RARB: variants seen among roughly 807,000 people sequenced by gnomAD.
The protein encoded by RARB is retinoic acid receptor beta, also known as HBV-activated protein.
RARB carries 17 observed loss-of-function variants against 51.9 expected under a neutral mutation model. The observed-to-expected ratio is 0.33, with a 90% CI of 0.22 to 0.49. The LOEUF is 0.49. RARB is among the 20% of genes least tolerant of loss of function. The pLI is 0.99. For missense variants in RARB, 369 were observed against 550.8 expected, an observed-to-expected ratio of 0.67 and a Z score of 3.30; for synonymous variants, 215 against 195.4, an observed-to-expected ratio of 1.10 and a Z score of -0.84.
chr3:24,927,863 G>A (rs552578760), intron 2 of RARB, among the ~76,000 whole-genome samples: 2 of 152,116 alleles, frequency 1.3e-5, no homozygotes, highest in South Asian at 4.1e-4. Context: ...TGCCAGCTTG[G>A]CAGAGAATAA....
chr3:24,866,260 G>A (rs1457659529), intron 2 of RARB, among the ~76,000 whole-genome samples: 2 of 151,856 alleles, frequency 1.3e-5, no homozygotes, highest in Admixed American at 1.3e-4. Context: ...ATCCCCCCAC[G>A]CTTTTGCACA....
intron 5 of RARB, among the ~76,000 whole-genome samples, chr3:25,322,389 A>T (rs1704597399): frequency 6.6e-6 from 1 of 152,236 alleles, no homozygotes; most frequent in Admixed American, 6.5e-5. Context: ...TAGGAGTGAC[A>T]TGAAATGCAA....
chr3:24,834,795 A>G (rs1005511328), intron 1 of RARB, among the ~76,000 whole-genome samples: 1 of 152,234 alleles, frequency 6.6e-6, no homozygotes. Flanking sequence ...GTTCAATTGT[A>G]AGCCCACTTT....
intron 2 of RARB, among the ~76,000 whole-genome samples, chr3:24,913,011 C>CTT (rs1695026991): frequency 7.1e-5 from 5 of 70,624 alleles, no homozygotes; most frequent in African/African-American, 2.0e-4. Flanking sequence ...GACAGAGTCT[C>CTT]GCTCTGTCGC....
chr3:25,279,915 A>G lies in RARB; in HGVS notation c.178+105340A>G, dbSNP rs552093697. Among the ~76,000 whole-genome samples the G allele has an allele frequency of 3.3e-5, 5 of 152,326 alleles. No individual in the cohort carries two copies. The East Asian group carries it at 9.6e-4, about 29-fold the overall frequency. ...TCTAAAGGGAGAGGTCAAGTGCCTC[A>G]GGAGGCAAGACAGGAAGAGAGGATT... On this transcript the variant is annotated intron_variant, in intron 5 of 11. Coordinates refer to the RARB transcript ENST00000383772.
At chr3:25,116,914 T>A (rs1182387629) in intron 3 of RARB, among the ~76,000 whole-genome samples, 1 of 152,162 alleles carries the variant, frequency 6.6e-6, no homozygotes, top group Non-Finnish European at 1.5e-5. Context: ...TGATTTTAAA[T>A]TGAAATTATT....
chr3:25,507,147 G>T (rs1053443381), intron 3 of RARB, among the ~76,000 whole-genome samples: 6 of 152,218 alleles, frequency 3.9e-5, no homozygotes, highest in African/African-American at 1.4e-4. Context: ...TCACACACCA[G>T]TGAGTCTCCC....
intron 5 of RARB, among the ~76,000 whole-genome samples, chr3:25,373,478 A>C (rs1338895285): frequency 6.6e-6 from 1 of 152,184 alleles, no homozygotes; most frequent in Non-Finnish European, 1.5e-5. Flanking sequence ...TTGAGCTAGA[A>C]AGACAAGGAA....
intron 3 of RARB, among the ~76,000 whole-genome samples, chr3:25,078,861 T>C (rs1361833001): frequency 6.6e-6 from 1 of 152,174 alleles, no homozygotes. Flanking sequence ...ATTATTATTT[T>C]GGTTATTCTG....
chr3:25,215,192 C>G (rs1007355121), intron 5 of RARB, among the ~76,000 whole-genome samples: 7 of 152,168 alleles, frequency 4.6e-5, no homozygotes, highest in Admixed American at 1.3e-4. Context: ...GCCTGGGCAG[C>G]AGTTTATCTG....
At chr3:25,322,369 A>C (rs985689625) in intron 5 of RARB, among the ~76,000 whole-genome samples, 2 of 152,218 alleles carry the variant, frequency 1.3e-5, no homozygotes, top group African/African-American at 2.4e-5. Flanking sequence ...TTAGGGAGAG[A>C]GGACCTTTTT....
At chr3:24,873,328 G>A (rs555480131) in intron 2 of RARB, among the ~76,000 whole-genome samples, 3 of 151,788 alleles carry the variant, frequency 2.0e-5, no homozygotes, top group Admixed American at 6.6e-5. Flanking sequence ...ATTTAACTTC[G>A]TTAATGGTTA....
intron 5 of RARB, among the ~76,000 whole-genome samples, chr3:25,255,615 C>T (rs1331706825): frequency 6.6e-6 from 1 of 151,698 alleles, no homozygotes; most frequent in Non-Finnish European, 1.5e-5. Flanking sequence ...GTGTAGATGT[C>T]TCAAAGTACT....
chr3:25,021,985 C>A (rs1275768797), intron 2 of RARB, among the ~76,000 whole-genome samples: 5 of 152,150 alleles, frequency 3.3e-5, no homozygotes, highest in African/African-American at 1.2e-4. Flanking sequence ...TTCCCAATTA[C>A]ATGGAGCTTG....
intron 2 of RARB, among the ~76,000 whole-genome samples, chr3:25,047,814 G>A (rs1698247835): frequency 6.6e-6 from 1 of 152,174 alleles, no homozygotes; most frequent in African/African-American, 2.4e-5. Context: ...GGTTTTGCTT[G>A]TACAGAGCAG....
At chr3:25,036,060 C>T (rs757983103) in intron 2 of RARB, among the ~76,000 whole-genome samples, 7 of 152,156 alleles carry the variant, frequency 4.6e-5, no homozygotes, top group South Asian at 2.1e-4. Context: ...TACTATGCCA[C>T]GCTGTGAATG....
intron 3 of RARB, among the ~76,000 whole-genome samples, chr3:25,099,326 T>C (rs1039011846): frequency 1.3e-5 from 2 of 152,274 alleles, no homozygotes; most frequent in East Asian, 1.9e-4. Context: ...AGGACATTTA[T>C]AGGATTTTTT....
chr3:24,906,294 G>A (rs915239835), intron 2 of RARB, among the ~76,000 whole-genome samples: 1 of 152,174 alleles, frequency 6.6e-6, no homozygotes, highest in Non-Finnish European at 1.5e-5. Flanking sequence ...GCTGGGTTTA[G>A]AGAAGAATGG....
intron 5 of RARB, among the ~76,000 whole-genome samples, chr3:25,317,524 C>T (rs945897463): frequency 1.1e-4 from 16 of 152,008 alleles, no homozygotes; most frequent in African/African-American, 3.4e-4. Flanking sequence ...GACTTGAGAT[C>T]GCCGAGTGAG....
Sources: allele counts gnomAD v4.1 joint callset (sites outside exome capture counted in the v4.1 genomes callset), GRCh38; gene constraint gnomAD v4.1.1; transcripts MANE v1.5; gene names NCBI Gene and HGNC (gene_info 2026-07-23, HGNC 2026-07-21).